The following MYOT variants were observed in gnomAD, a reference collection of about 807,000 sequenced individuals.
MYOT encodes myotilin.
In MYOT, 36 loss-of-function variants were observed where a neutral mutation model predicts 58.0. The observed-to-expected ratio is 0.62, with a 90% CI of 0.48 to 0.82. The LOEUF (loss-of-function observed/expected upper bound fraction) is 0.82. MYOT is among the 40% of genes least tolerant of loss of function. The probability of loss-of-function intolerance (pLI) is 0.00; values close to 1 mark genes in which losing one functional copy is unlikely to be tolerated. For synonymous variants in MYOT, 218 were observed against 204.6 expected (o/e 1.07, Z -0.56); for missense variants, 505 against 592.1 (o/e 0.85, Z 1.53).
rs532024597 is a variant in MYOT at position 137,874,940 on chromosome 5, G to A, written c.357-889G>A. 5.6e-4 allele frequency among the ~76,000 whole-genome samples: 86 copies of A among 152,314 alleles called. 1 individual carries two copies. The South Asian group carries it at 7.5e-3, about 13-fold the overall frequency. On this transcript the variant is annotated intron_variant, in intron 2 of 9. Transcript: ENST00000239926. ...ATTATTCACTAAAAGCCAGTGGTGT[G>A]CTGGTAAATGTCTAACAATCACTGG...
Position 137,887,507 on chromosome 5 carries a change from A to T in MYOT, c.*122A>T. 1 of 686,966 alleles carries T rather than the reference A, an allele frequency of 1.5e-6. No homozygotes were observed. The highest frequency in any genetic ancestry group is 2.2e-6 in the Non-Finnish European group (1 of 454,392). The allele number at this position is 686,966 out of a possible 1,614,324, so 42.6% of individuals were successfully genotyped here. On this transcript the variant is annotated 3_prime_UTR_variant, in exon 10 of 10. Coordinates refer to ENST00000239926, the MANE Select transcript of MYOT (RefSeq NM_006790.3). ...TGGTTTTAATTAGGTAATATAGTTAATATATATTTATAATATTATTTATCC... is the reference window on the plus strand; with the variant it reads ...TGGTTTTAATTAGGTAATATAGTTATTATATATTTATAATATTATTTATCC...
intron 3 of MYOT, among the ~76,000 whole-genome samples, chr5:137,876,531 T>C (rs1374517122): frequency 6.6e-6 from 1 of 152,282 alleles, no homozygotes; most frequent in Admixed American, 6.5e-5. Flanking sequence ...TCTGGCTGGG[T>C]GCAGTGGCTC....
Position 137,886,110 on chromosome 5 carries a change from G to A in MYOT, c.1087G>A (p.Gly363Arg). Residue 363 changes from glycine to arginine, a missense_variant, in exon 8 of 10, where the codon GGA becomes AGA. Transcript: ENST00000239926. Reference sequence around the variant, plus strand: ...ACCACAGAGCAAAAAAGTTTTAGAGGGAGATTCAGTGAAACTAGAATGCCA... The same window carrying A: ...ACCACAGAGCAAAAAAGTTTTAGAGAGAGATTCAGTGAAACTAGAATGCCA... ...YKPQSKKVLE[G>R]DSVKLECQIS... 3 of 1,611,030 alleles carry A rather than the reference G, an allele frequency of 1.9e-6. No individual in the cohort carries two copies. The highest frequency in any genetic ancestry group is 2.5e-6 in the Non-Finnish European group (3 of 1,177,616).
At chr5:137,868,159 T>C (rs753955857) in intron 1 of MYOT, among the ~76,000 whole-genome samples, 27 of 152,216 alleles carry the variant, frequency 1.8e-4, no homozygotes, top group Non-Finnish European at 2.5e-4. Flanking sequence ...GAAGGAAAGA[T>C]AGCTGTGTGT....
At chr5:137,881,231 G>A (rs560456033) in intron 5 of MYOT, among the ~76,000 whole-genome samples, 1 of 152,248 alleles carries the variant, frequency 6.6e-6, no homozygotes, top group Admixed American at 6.5e-5. Context: ...GAGAAACTAA[G>A]ATGTACAATT....
intron 7 of MYOT, among the ~76,000 whole-genome samples, chr5:137,884,177 CTTCT>C (rs1352263765): frequency 2.6e-5 from 4 of 152,062 alleles, no homozygotes; most frequent in Admixed American, 1.3e-4. Flanking sequence ...ATAGCAAGAT[CTTCT>C]TTGTCTCTAC....
intron 3 of MYOT, among the ~76,000 whole-genome samples, chr5:137,877,101 G>C (rs1430982235): frequency 6.6e-6 from 1 of 151,704 alleles, no homozygotes; most frequent in Non-Finnish European, 1.5e-5. Flanking sequence ...GAGCGCAGTG[G>C]CTCACGCCTA....
In MYOT at chr5:137,870,905, T is replaced by A. The variant is rs776240616; in HGVS notation, c.254T>A (p.Val85Asp). ...QHAGSNPGQR[V>D]TTTYNQSPAS... ...GCTGGCTCCAACCCAGGCCAAAGGG[T>A]TACAACCACCTATAACCAGTCCCCA... The change falls in exon 2 of 10, where the codon GTT becomes GAT. Residue 85 changes from valine to aspartate, a missense_variant. By Grantham distance (152) the Val-to-Asp change is radical. Coordinates refer to ENST00000239926, the MANE Select transcript of MYOT (RefSeq NM_006790.3). 1 of 1,614,158 alleles carries A rather than the reference T, an allele frequency of 6.2e-7. No individual in the cohort carries two copies. The highest frequency in any genetic ancestry group is 1.1e-5 in the South Asian group (1 of 91,084).
chr5:137,881,933 A>G (rs765654485), intron 5 of MYOT, 40 bp from the exon 6 acceptor site: 17 of 1,606,232 alleles, frequency 1.1e-5, no homozygotes, highest in African/African-American at 6.7e-5. Flanking sequence ...AAAAGCAATG[A>G]TAATATTTAC....
rs1755028009 is a variant in MYOT, at chr5:137,870,852, T to C, written c.201T>C (p.Ser67=). The change falls in exon 2 of 10, where the codon TCT becomes TCC. Residue 67 remains serine (S), a synonymous_variant. Coordinates refer to ENST00000239926, the MANE Select transcript of MYOT (RefSeq NM_006790.3). Reference sequence around the variant, plus strand: ...GCTCTCACATCACCATGTCCTCCTCTGCTTTCCCTGCTTCTCCCCAGCAGC... The same window carrying C: ...GCTCTCACATCACCATGTCCTCCTCCGCTTTCCCTGCTTCTCCCCAGCAGC... The part of the protein sequence containing the change: ...TLSSHITMSS[S]AFPASPQQHA... The C allele has an allele frequency of 2.5e-6, 4 of 1,614,046 alleles. No individual in the cohort carries two copies. Among genetic ancestry groups the C allele is most frequent in the South Asian group, 2.2e-5 (2 of 91,086 alleles).
At chr5:137,885,243 CTT>C (rs1192464334) in intron 7 of MYOT, among the ~76,000 whole-genome samples, 1 of 152,152 alleles carries the variant, frequency 6.6e-6, no homozygotes, top group Non-Finnish European at 1.5e-5. Flanking sequence ...CAAAGTATCT[CTT>C]TGTTTATTAT....
At position 137,887,292 on chromosome 5, in the gene MYOT, G is replaced by A. The variant is rs200075800; in HGVS notation, c.1404G>A (p.Gly468=). The change falls in exon 10 of 10, where the codon GGG becomes GGA. Residue 468 remains glycine, a synonymous_variant. Transcript: ENST00000239926. ...TCAGCAAATATTTAGCACTTAATGGGAAAGGTTTGAATGTAAAACAAGCTT... is the reference window on the plus strand; with the variant it reads ...TCAGCAAATATTTAGCACTTAATGGAAAAGGTTTGAATGTAAAACAAGCTT... ...PTFSKYLALN[G]KGLNVKQAFN... 1 of 1,614,034 alleles carries A rather than the reference G, an allele frequency of 6.2e-7. No homozygotes were observed. Among genetic ancestry groups the A allele is most frequent in the South Asian group, 1.1e-5 (1 of 91,084 alleles).
chr5:137,878,648 C>A (rs1653010168), intron 4 of MYOT, among the ~76,000 whole-genome samples: 1 of 151,776 alleles, frequency 6.6e-6, no homozygotes, highest in Non-Finnish European at 1.5e-5. Flanking sequence ...AATGGTGAAA[C>A]CCAGTCTCTA....
intron 7 of MYOT, 130 bp downstream of exon 7, chr5:137,883,721 C>G: frequency 1.3e-6 from 1 of 776,834 alleles, no homozygotes; most frequent in Non-Finnish European, 2.2e-6. Flanking sequence ...ATTGGAATGT[C>G]CATTTTTATC....
intron 6 of MYOT, 152 bp downstream of exon 6, chr5:137,882,257 C>A (rs1755460729): frequency 1.1e-6 from 1 of 875,452 alleles, no homozygotes; most frequent in Non-Finnish European, 1.8e-6. Flanking sequence ...GGTTTGAATT[C>A]TGGCTCTGCC....
In MYOT at chr5:137,880,982, G is replaced by A. The variant is rs1755411750; in HGVS notation, c.683+117G>A. On this transcript the variant is annotated intron_variant, in intron 5 of 9. Coordinates refer to ENST00000239926, the MANE Select transcript of MYOT (RefSeq NM_006790.3). Reference sequence around the variant, plus strand: ...CTCTATACCTTTTGAAAAATACAATGTGTATTTTCTAATGTCTGAGAAGAT... The same window carrying A: ...CTCTATACCTTTTGAAAAATACAATATGTATTTTCTAATGTCTGAGAAGAT... The A allele has an allele frequency of 5.3e-6, 4 of 752,844 alleles. No homozygotes were observed. In the African/African-American group the frequency reaches 5.3e-5, roughly 10 times the overall value. 46.6% of individuals were successfully genotyped at this position (752,844 alleles called of 1,614,324 possible).
In MYOT at chr5:137,877,597, T is replaced by A. The variant is rs1561660796; in HGVS notation, c.609T>A (p.Asp203Glu). Reference protein sequence around the residue: ...QNAAAVFQAQDDSGAQDSQQH... With the variant: ...QNAAAVFQAQEDSGAQDSQQH... ...CAGCTGCTGTGTTTCAAGCTCAGGA[T>A]GACAGTGGTGCACAAGACTCGCAGG... is the stretch of plus-strand genomic sequence containing the variant. The change falls in exon 4 of 10, where the codon GAT becomes GAA. Residue 203 changes from aspartate (D) to glutamate (E), a missense_variant. Asp to Glu is a conservative substitution (Grantham distance 45). Coordinates refer to ENST00000239926, the MANE Select transcript of MYOT (RefSeq NM_006790.3). 6 of 1,613,614 alleles carry A rather than the reference T, an allele frequency of 3.7e-6. No individual in the cohort carries two copies. The highest frequency in any genetic ancestry group is 5.1e-6 in the Non-Finnish European group (6 of 1,179,590).
intron 5 of MYOT, among the ~76,000 whole-genome samples, chr5:137,881,626 C>G (rs1755433007): frequency 6.6e-6 from 1 of 152,144 alleles, no homozygotes; most frequent in African/African-American, 2.4e-5. Context: ...TACCACATCT[C>G]TGAATATAAC....
intron 4 of MYOT, among the ~76,000 whole-genome samples, chr5:137,878,266 G>A (rs896937461): frequency 6.8e-6 from 1 of 147,500 alleles, no homozygotes; most frequent in East Asian, 2.0e-4. Context: ...CAGGCAGGCT[G>A]GAGTGCAGTG....
Sources: gnomAD v4.1 joint callset for allele counts (sites outside exome capture counted in the v4.1 genomes callset) on GRCh38, gnomAD v4.1.1 for gene constraint, MANE v1.5 for transcripts, NCBI Gene and HGNC (gene_info 2026-07-23, HGNC 2026-07-21) for gene names.